Variants in KATNB1 observed in about 807,000 individuals in gnomAD.
The protein encoded by KATNB1 is katanin regulatory subunit B1.
In KATNB1, 38 loss-of-function variants were observed where a neutral mutation model predicts 82.3. That is an observed-to-expected ratio of 0.46 (90% CI 0.36 to 0.61). The LOEUF is 0.61. Among genes scored for constraint, KATNB1 ranks in the 20% least tolerant of loss-of-function variants. The pLI, the probability that KATNB1 is intolerant of heterozygous loss-of-function variation, is 0.00. For synonymous variants in KATNB1, 361 were observed against 368.7 expected, an observed-to-expected ratio of 0.98 and a Z score of 0.24; for missense variants, 749 against 915.7, an observed-to-expected ratio of 0.82 and a Z score of 2.35.
intron 3 of KATNB1, among the ~76,000 whole-genome samples, chr16:57,742,323 A>C (rs1421860906): frequency 6.6e-6 from 1 of 152,264 alleles, no homozygotes; most frequent in Non-Finnish European, 1.5e-5. Context: ...CTATTTATGC[A>C]GCTATATGTT....
intron 4 of KATNB1, among the ~76,000 whole-genome samples, chr16:57,746,559 C>G (rs1358719443): frequency 1.3e-5 from 2 of 152,338 alleles, no homozygotes; most frequent in Admixed American, 1.3e-4. Context: ...TGTGCTGTGC[C>G]TCGGTGCCTT....
chr16:57,752,482 G>T, intron 8 of KATNB1, 48 bp from the exon 9 acceptor site: 1 of 1,514,004 alleles, frequency 6.6e-7, no homozygotes, highest in East Asian at 2.4e-5. Flanking sequence ...ACATGTGGAG[G>T]CCAGGATGAG....
In KATNB1 at chr16:57,752,533, A is replaced by G; in HGVS notation, c.636A>G (p.Thr212=). The G allele has an allele frequency of 6.4e-7, 1 of 1,564,174 alleles. No individual in the cohort carries two copies. The highest frequency in any genetic ancestry group is 8.7e-7 in the Non-Finnish European group (1 of 1,153,866). Residue 212 remains threonine (T), a synonymous_variant, in exon 9 of 20, where the codon ACA becomes ACG. Coordinates refer to ENST00000379661, the MANE Select transcript of KATNB1 (RefSeq NM_005886.3). ...YLLASGSSDR[T]IRFWDLEKFQ... is the part of the protein sequence containing the mutation. ...CACAGCTTGGCTGCCTTTGCAGGAC[A>G]ATCCGCTTCTGGGACCTGGAGAAGT...
intron 4 of KATNB1, 96 bp downstream of exon 4, chr16:57,744,607 C>T (rs1555580824): frequency 5.8e-6 from 6 of 1,026,836 alleles, no homozygotes; most frequent in Admixed American, 1.7e-5. Context: ...GCCTGGACTA[C>T]GTTGGCTGCT....
At chr16:57,756,647 T>C in intron 19 of KATNB1, 167 bp from the exon 20 acceptor site, 2 of 1,273,038 alleles carry the variant, frequency 1.6e-6, no homozygotes, top group Non-Finnish European at 2.1e-6. Flanking sequence ...GGTTCCTCCA[T>C]GGCCTGGCTG....
Position 57,741,694 on chromosome 16 carries a change from C to G in KATNB1, c.48C>G (p.Ile16Met). Residue 16 changes from isoleucine (I) to methionine (M), a missense_variant, in exon 3 of 20, where the codon ATC becomes ATG. Transcript: ENST00000379661. Reference protein sequence around the residue: ...VTKTAWKLQEIVAHASNVSSL... With the variant: ...VTKTAWKLQEMVAHASNVSSL... Reference sequence around the variant, plus strand: ...CTCTCCTTCCCTGTGTAGAAGAGATCGTCGCGCATGCCAGCAACGTGTCCT... The same window carrying G: ...CTCTCCTTCCCTGTGTAGAAGAGATGGTCGCGCATGCCAGCAACGTGTCCT... 6 of 1,613,388 alleles carry G rather than the reference C, an allele frequency of 3.7e-6. No individual in the cohort carries two copies. The highest frequency in any genetic ancestry group is 5.1e-6 in the Non-Finnish European group (6 of 1,179,710).
chr16:57,752,101 A>G, intron 8 of KATNB1, 46 bp downstream of exon 8: 6 of 1,234,192 alleles, frequency 4.9e-6, no homozygotes, highest in Non-Finnish European at 7.1e-6. Flanking sequence ...GCTGTCCTTC[A>G]CCGCCTTGTC....
At chr16:57,744,586 C>G in intron 4 of KATNB1, 75 bp downstream of exon 4, 3 of 1,244,362 alleles carry the variant, frequency 2.4e-6, no homozygotes, top group Non-Finnish European at 3.5e-6. Flanking sequence ...ACTGCTTCCT[C>G]CAGGAAGCCT....
intron 1 of KATNB1, 128 bp from the exon 2 acceptor site, chr16:57,736,850 C>A: frequency 2.3e-6 from 1 of 432,814 alleles, no homozygotes; most frequent in Admixed American, 2.8e-5. Context: ...ACCTAATTTG[C>A]AGTGCAGCTT....
In KATNB1 at chr16:57,752,935, G is replaced by T; in HGVS notation, c.855+7G>T. 6.2e-7 allele frequency: 1 copy of T among 1,601,846 alleles called. No homozygotes were observed. The highest frequency in any genetic ancestry group is 8.5e-7 in the Non-Finnish European group (1 of 1,179,438). On this transcript the variant is annotated splice_region_variant and intron_variant, in intron 10 of 19. Coordinates refer to ENST00000379661, the MANE Select transcript of KATNB1 (RefSeq NM_005886.3). Reference sequence around the variant, plus strand: ...CATCTGCAATGACCAGTTGGTGAGAGAGCCATGGCACCCACCGCCCCCCAC... The same window carrying T: ...CATCTGCAATGACCAGTTGGTGAGATAGCCATGGCACCCACCGCCCCCCAC...
At chr16:57,755,291 G>T in intron 15 of KATNB1, 53 bp downstream of exon 15, 1 of 1,610,758 alleles carries the variant, frequency 6.2e-7, no homozygotes. Flanking sequence ...GTGGAGGGCA[G>T]AGCTTTGCTG....
intron 1 of KATNB1, among the ~76,000 whole-genome samples, chr16:57,736,342 G>A (rs2049099359): frequency 6.6e-6 from 1 of 152,144 alleles, no homozygotes; most frequent in South Asian, 2.1e-4. Flanking sequence ...ACGGAGGGGA[G>A]CGGGCTCATG....
At chr16:57,746,491 G>T (rs12708992) in intron 4 of KATNB1, among the ~76,000 whole-genome samples, 1 of 152,166 alleles carries the variant, frequency 6.6e-6, no homozygotes, top group Non-Finnish European at 1.5e-5. Flanking sequence ...ATGCGGTTGT[G>T]GTCTGGAAAC....
chr16:57,748,910 G>A (rs1441595528), intron 4 of KATNB1, among the ~76,000 whole-genome samples: 2 of 152,244 alleles, frequency 1.3e-5, no homozygotes, highest in African/African-American at 4.8e-5. Context: ...GAGTGGGCTG[G>A]GAGCGGGTGT....
At position 57,754,924 on chromosome 16, in the gene KATNB1, C is replaced by T. The variant is rs782366916; in HGVS notation, c.1229-6C>T. Reference sequence around the variant, plus strand: ...GGACCCAGTCATCTTTTCCTTTTGCCTCCAGACGCAGCCACAGCAAAGGAG... The same window carrying T: ...GGACCCAGTCATCTTTTCCTTTTGCTTCCAGACGCAGCCACAGCAAAGGAG... On this transcript the variant is annotated splice_polypyrimidine_tract_variant and splice_region_variant and intron_variant, in intron 13 of 19. Transcript: ENST00000379661. 2.5e-6 allele frequency: 4 copies of T among 1,614,010 alleles called. No individual in the cohort carries two copies. Among genetic ancestry groups the T allele is most frequent in the Non-Finnish European group, 3.4e-6 (4 of 1,180,032 alleles).
chr16:57,741,910 A>G, intron 3 of KATNB1, 93 bp downstream of exon 3: 2 of 1,429,926 alleles, frequency 1.4e-6, no homozygotes, highest in South Asian at 2.5e-5. Flanking sequence ...AGCTTCTCAG[A>G]CTCTCTTGAG....
At chr16:57,748,572 G>C (rs1260557553) in intron 4 of KATNB1, among the ~76,000 whole-genome samples, 3 of 152,078 alleles carry the variant, frequency 2.0e-5, no homozygotes, top group Non-Finnish European at 4.4e-5. Flanking sequence ...GAGGTGCTCA[G>C]CTGGGAGGCG....
Position 57,751,845 on chromosome 16 carries a change from G to T in KATNB1, c.517-95G>T. ...TGTCCCAAGCCTATCCCGAGTGGAA[G>T]GTAGCTTGTGGATAAAGAGCTTGGC... On this transcript the variant is annotated intron_variant, in intron 7 of 19. Coordinates refer to ENST00000379661, the MANE Select transcript of KATNB1 (RefSeq NM_005886.3). This position sits in a 1 kb window ranked among gnomAD's most constrained non-coding sequence, Gnocchi z 6.3. 7.2e-7 allele frequency: 1 copy of T among 1,391,436 alleles called. No homozygotes were observed. 86.2% of individuals were successfully genotyped at this position (1,391,436 alleles called of 1,614,324 possible).
Position 57,751,137 on chromosome 16 carries a change from C to A in KATNB1, c.391-124C>A. On this transcript the variant is annotated intron_variant, in intron 5 of 19. Coordinates refer to ENST00000379661, the MANE Select transcript of KATNB1 (RefSeq NM_005886.3). This position sits in a 1 kb window ranked among gnomAD's most constrained non-coding sequence, Gnocchi z 6.3. ...TTTAGTGAGCAGTTTCTGTCCTTGT[C>A]TCCGTGGGGAGTAACGACCTAGAGA... The A allele has an allele frequency of 1.0e-6, 1 of 968,702 alleles. No homozygotes were observed. The allele number at this position is 968,702 out of a possible 1,614,324, so 60.0% of individuals were successfully genotyped here. A position where few individuals can be genotyped will look rare whatever the true frequency, so the allele number is the denominator to read the frequency against.
Sources: gnomAD v4.1 joint callset for allele counts (sites outside exome capture counted in the v4.1 genomes callset) on GRCh38, gnomAD v4.1.1 for gene constraint, Gnocchi (gnomAD v3.1) non-coding constraint, MANE v1.5 for transcripts, NCBI Gene and HGNC (gene_info 2026-07-23, HGNC 2026-07-21) for gene names.